The following ATRN variants were observed in gnomAD, a reference collection of about 807,000 sequenced individuals.
ATRN encodes attractin.
A neutral mutation model predicts 178.7 loss-of-function variants in ATRN; 54 were observed. The ratio of observed to expected loss-of-function variants is 0.30; its 90% CI spans 0.24 to 0.38. The LOEUF is 0.38. Among genes scored for constraint, ATRN ranks in the 10% least tolerant of loss-of-function variants. ATRN has a pLI of 1.00. For missense variants in ATRN, 1,443 were observed against 1,815.1 expected, an observed-to-expected ratio of 0.79 and a Z score of 3.73; for synonymous variants, 636 against 663.0, an observed-to-expected ratio of 0.96 and a Z score of 0.63.
intron 6 of ATRN, among the ~76,000 whole-genome samples, chr20:3,550,630 A>T (rs987183973): frequency 6.6e-6 from 1 of 152,236 alleles, no homozygotes; most frequent in African/African-American, 2.4e-5. Flanking sequence ...ATATGAATTT[A>T]AAGTCACATC....
At chr20:3,587,788 G>T (rs1373391280) in intron 18 of ATRN, among the ~76,000 whole-genome samples, 1 of 152,082 alleles carries the variant, frequency 6.6e-6, no homozygotes, top group Non-Finnish European at 1.5e-5. Context: ...GTTTGATAAG[G>T]TTTGCATTGA....
Position 3,535,254 on chromosome 20 carries a change from C to G in ATRN, c.412C>G (p.Leu138Val). 6.8e-7 allele frequency: 1 copy of G among 1,480,564 alleles called. No individual in the cohort carries two copies. The highest frequency in any genetic ancestry group is 9.1e-7 in the Non-Finnish European group (1 of 1,100,862). 91.7% of individuals were successfully genotyped at this position (1,480,564 alleles called of 1,614,324 possible). A position where few individuals can be genotyped will look rare whatever the true frequency, so the allele number is the denominator to read the frequency against. The change falls in exon 2 of 29, where the codon CTA (leucine) becomes GTA (valine). Residue 138 changes from leucine to valine, a missense_variant and splice_region_variant. Physicochemically the swap from Leu to Val is conservative, Grantham distance 32. Around this residue, in one of 4 missense-constraint regions of ATRN, gnomAD observed 862 missense variants for 972.1 expected, o/e 0.89. Coordinates refer to ENST00000262919, the MANE Select transcript of ATRN (RefSeq NM_139321.3). ...QCQHCGGRFR[L>V]TGSSGFVTDG... ...TTTCTTTCTTGATTTAAATTACAGA[C>G]TAACTGGATCTTCTGGGTTTGTGAC...
At chr20:3,585,290 A>G (rs1274927310) in intron 18 of ATRN, among the ~76,000 whole-genome samples, 1 of 152,186 alleles carries the variant, frequency 6.6e-6, no homozygotes. Context: ...AAACAAAGCT[A>G]AAAGGGCAGA....
chr20:3,547,633 A>C, intron 5 of ATRN, 144 bp downstream of exon 5: 1 of 737,236 alleles, frequency 1.4e-6, no homozygotes, highest in South Asian at 2.0e-5. Flanking sequence ...ACATCCCTCT[A>C]TCTAGCTGCT....
At position 3,560,776 on chromosome 20, in the gene ATRN, G is replaced by A. The variant is rs772003665; in HGVS notation, c.1318G>A (p.Glu440Lys). 1 of 1,614,104 alleles carries A rather than the reference G, an allele frequency of 6.2e-7. No homozygotes were observed. The highest frequency in any genetic ancestry group is 2.2e-5 in the East Asian group (1 of 44,876). The change falls in exon 8 of 29, where the codon GAG becomes AAG. Residue 440 changes from glutamate (E) to lysine (K), a missense_variant. By Grantham distance (56) the Glu-to-Lys change is moderately conservative. This residue lies in a region of ATRN where 862 missense variants were observed against 972.1 expected (regional missense o/e 0.89). Coordinates refer to ENST00000262919, the MANE Select transcript of ATRN (RefSeq NM_139321.3). ...SWVLLTPKAK[E>K]QYAVVGHSAH... ...GGTGTTGTTGACCCCTAAGGCAAAG[G>A]AGCAGTATGCAGTGGTTGGGCACTC...
chr20:3,632,573 A>C lies in ATRN; in HGVS notation c.3864-1738A>C, dbSNP rs1331874444. ...TGAGCCACCTCCCATACCTTCTCCA[A>C]GTCTTTGTTCAAATGTCACCTTCTG... On this transcript the variant is annotated intron_variant, in intron 25 of 28. Coordinates refer to ENST00000262919, the MANE Select transcript of ATRN (RefSeq NM_139321.3). The surrounding 1 kb of genome is among the most constrained non-coding windows in gnomAD (Gnocchi z 4.2). Among the ~76,000 whole-genome samples the C allele has an allele frequency of 6.6e-6, 1 of 152,064 alleles. No individual in the cohort carries two copies.
chr20:3,605,756 T>C (rs2086668488), intron 24 of ATRN, among the ~76,000 whole-genome samples: 1 of 151,994 alleles, frequency 6.6e-6, no homozygotes, highest in East Asian at 1.9e-4. Flanking sequence ...TGGAGAGTGA[T>C]GGGGAGGAAG....
At chr20:3,554,305 TTTTATTTATTTATTTA>T (rs10626066) in intron 6 of ATRN, among the ~76,000 whole-genome samples, 44 of 139,236 alleles carry the variant, frequency 3.2e-4, no homozygotes, top group East Asian at 2.1e-3. Context: ...GATTACAGAT[TTTTATTTATTTATTTA>T]TTTATTTATT....
At chr20:3,570,253 TC>T (rs1023840038) in intron 11 of ATRN, among the ~76,000 whole-genome samples, 6 of 152,130 alleles carry the variant, frequency 3.9e-5, no homozygotes, top group Admixed American at 2.0e-4. Flanking sequence ...ACCCCATCCA[TC>T]ATTTTCCCCC....
intron 1 of ATRN, among the ~76,000 whole-genome samples, chr20:3,497,633 A>G (rs544681936): frequency 1.3e-5 from 2 of 151,924 alleles, no homozygotes; most frequent in Non-Finnish European, 2.9e-5. Flanking sequence ...TCTGACAATT[A>G]TGTGTCTTGG....
intron 18 of ATRN, among the ~76,000 whole-genome samples, chr20:3,590,351 TCAAC>T (rs2086422834): frequency 1.3e-5 from 2 of 152,204 alleles, no homozygotes; most frequent in South Asian, 2.1e-4. Flanking sequence ...ATCACACTGA[TCAAC>T]CAAGGCAGAT....
At chr20:3,598,687 T>C (rs2086565322) in intron 22 of ATRN, among the ~76,000 whole-genome samples, 1 of 152,186 alleles carries the variant, frequency 6.6e-6, no homozygotes, top group Non-Finnish European at 1.5e-5. Flanking sequence ...AACTGAAACA[T>C]ACAGAACACG....
At chr20:3,646,183 G>A (rs890171059) in intron 28 of ATRN, among the ~76,000 whole-genome samples, 2 of 152,146 alleles carry the variant, frequency 1.3e-5, no homozygotes, top group African/African-American at 2.4e-5. Context: ...TTATTCCAAA[G>A]CCTGGCCCCA....
At chr20:3,610,350 A>C (rs191051414) in intron 24 of ATRN, among the ~76,000 whole-genome samples, 1 of 152,324 alleles carries the variant, frequency 6.6e-6, no homozygotes, top group African/African-American at 2.4e-5. Flanking sequence ...CACACAGATC[A>C]ATGGGATAGG....
At chr20:3,596,791 A>C (rs949447341) in intron 21 of ATRN, among the ~76,000 whole-genome samples, 6 of 152,078 alleles carry the variant, frequency 3.9e-5, no homozygotes, top group South Asian at 2.1e-4. Context: ...CAGAATTCTT[A>C]CAATATGGTT....
chr20:3,620,164 TC>T (rs2086885763), intron 24 of ATRN, among the ~76,000 whole-genome samples: 1 of 152,044 alleles, frequency 6.6e-6, no homozygotes, highest in Admixed American at 6.5e-5. Flanking sequence ...TTTTTTTTTT[TC>T]AATGCAGTTC....
chr20:3,617,262 T>C (rs1293601253), intron 24 of ATRN, among the ~76,000 whole-genome samples: 2 of 152,068 alleles, frequency 1.3e-5, no homozygotes, highest in African/African-American at 2.4e-5. Context: ...AGTTAGAAGA[T>C]AGAAGAAAAG....
chr20:3,579,924 G>T (rs976935552), intron 15 of ATRN, among the ~76,000 whole-genome samples: 1 of 152,136 alleles, frequency 6.6e-6, no homozygotes. Context: ...AGACTGGTAG[G>T]AGGTGCCCTG....
intron 10 of ATRN, among the ~76,000 whole-genome samples, chr20:3,564,521 G>T (rs1187076231): frequency 3.3e-5 from 5 of 152,166 alleles, no homozygotes; most frequent in Non-Finnish European, 7.3e-5. Flanking sequence ...GCACCAGTTG[G>T]TATTAGATCC....
Sources: gnomAD v4.1 joint callset for allele counts (sites outside exome capture counted in the v4.1 genomes callset) on GRCh38, gnomAD v4.1.1 for gene constraint, gnomAD v4.1.1 regional missense constraint, Gnocchi (gnomAD v3.1) non-coding constraint, MANE v1.5 for transcripts, NCBI Gene and HGNC (gene_info 2026-07-23, HGNC 2026-07-21) for gene names.